The following SIPA1L1 variants were observed in gnomAD, a reference collection of about 807,000 sequenced individuals.
SIPA1L1 encodes the protein signal-induced proliferation-associated 1-like protein 1.
A neutral mutation model predicts 162.7 loss-of-function variants in SIPA1L1; 26 were observed. The ratio of observed to expected loss-of-function variants is 0.16; its 90% CI spans 0.12 to 0.22. The LOEUF (loss-of-function observed/expected upper bound fraction) is 0.22, where lower values mean the gene tolerates loss of function less well. Among genes scored for constraint, SIPA1L1 ranks in the 10% least tolerant of loss-of-function variants. SIPA1L1 has a pLI of 1.00. For synonymous variants in SIPA1L1, 829 were observed against 837.4 expected (o/e 0.99, Z 0.17); for missense variants, 1,874 against 2,241.0 (o/e 0.84, Z 3.31).
chr14:71,423,166 A>G (rs1334214671), intron 2 of SIPA1L1, among the ~76,000 whole-genome samples: 1 of 151,976 alleles, frequency 6.6e-6, no homozygotes, highest in Non-Finnish European at 1.5e-5. Context: ...TTTTGAATCA[A>G]GTTGTTTGTT....
chr14:71,714,357 A>AT (rs1024389157), intron 17 of SIPA1L1, among the ~76,000 whole-genome samples: 2 of 152,074 alleles, frequency 1.3e-5, no homozygotes, highest in Non-Finnish European at 2.9e-5. Context: ...CCAACAAAAC[A>AT]TTTTTTTGCT....
At chr14:71,601,051 C>T (rs547736004) in intron 5 of SIPA1L1, among the ~76,000 whole-genome samples, 15 of 152,196 alleles carry the variant, frequency 9.9e-5, no homozygotes, top group Non-Finnish European at 1.6e-4. Flanking sequence ...CATAGAGGGA[C>T]GGTTTGACTT....
At chr14:71,551,215 A>G (rs1172616719) in intron 4 of SIPA1L1, among the ~76,000 whole-genome samples, 1 of 152,182 alleles carries the variant, frequency 6.6e-6, no homozygotes, top group South Asian at 2.1e-4. Flanking sequence ...TGGAAGCTGT[A>G]GTGAGCTGAA....
At chr14:71,442,992 C>T (rs796818120) in intron 2 of SIPA1L1, among the ~76,000 whole-genome samples, 28 of 152,246 alleles carry the variant, frequency 1.8e-4, no homozygotes, top group South Asian at 1.0e-3. Context: ...GTTTTTGTGA[C>T]GTCTTACATT....
intron 5 of SIPA1L1, among the ~76,000 whole-genome samples, chr14:71,610,170 T>C (rs1210750449): frequency 6.6e-6 from 1 of 152,216 alleles, no homozygotes; most frequent in Admixed American, 6.5e-5. Flanking sequence ...CAACTAATAT[T>C]GTTTGTTGTC....
At chr14:71,685,725 T>G (rs1223513078) in intron 13 of SIPA1L1, 94 bp downstream of exon 13, 1 of 1,467,868 alleles carries the variant, frequency 6.8e-7, no homozygotes. Context: ...TTCTCATATT[T>G]TACTAGAAAC....
intron 5 of SIPA1L1, among the ~76,000 whole-genome samples, chr14:71,589,581 A>T (rs926012210): frequency 2.6e-5 from 4 of 152,148 alleles, no homozygotes; most frequent in Non-Finnish European, 5.9e-5. Context: ...AATGTCTTGT[A>T]TGTTAAATAG....
chr14:71,696,470 T>C (rs1387566625), intron 13 of SIPA1L1, among the ~76,000 whole-genome samples: 1 of 152,240 alleles, frequency 6.6e-6, no homozygotes, highest in African/African-American at 2.4e-5. Flanking sequence ...ATATTAACTT[T>C]CAGTCTGTTA....
At chr14:71,516,695 G>A (rs1461019564) in intron 3 of SIPA1L1, among the ~76,000 whole-genome samples, 1 of 150,652 alleles carries the variant, frequency 6.6e-6, no homozygotes, top group Non-Finnish European at 1.5e-5. Context: ...TTTTTTGGCT[G>A]GGTGTGGTGG....
intron 2 of SIPA1L1, among the ~76,000 whole-genome samples, chr14:71,453,996 C>CAAAA (rs751420064): frequency 2.1e-4 from 16 of 76,532 alleles, no homozygotes; most frequent in South Asian, 1.3e-3. Flanking sequence ...GAGATTGTTT[C>CAAAA]AAAAAAAAAA....
intron 4 of SIPA1L1, among the ~76,000 whole-genome samples, chr14:71,535,327 T>C (rs1324522233): frequency 2.0e-5 from 3 of 152,250 alleles, no homozygotes; most frequent in Non-Finnish European, 4.4e-5. Flanking sequence ...AAGGAGTAAC[T>C]GCCCTATTCT....
rs184723564 is a variant in SIPA1L1, at chr14:71,655,885, A to G, written c.1994-2448A>G. Among the ~76,000 whole-genome samples the G allele has an allele frequency of 3.9e-5, 6 of 152,092 alleles. No homozygotes were observed. In the East Asian group the frequency reaches 1.2e-3, roughly 29 times the overall value. ...TGGATATTAGTCTTTTGTTGGGTAT[A>G]TGGTTTGCAAATATTTTCTCCCATT... On this transcript the variant is annotated intron_variant, in intron 8 of 23. Transcript: ENST00000381232.
intron 2 of SIPA1L1, among the ~76,000 whole-genome samples, chr14:71,471,976 C>T (rs1264077872): frequency 6.6e-6 from 1 of 152,188 alleles, no homozygotes; most frequent in East Asian, 1.9e-4. Context: ...AAGGTAGAAG[C>T]AGTTCAGGGC....
intron 2 of SIPA1L1, among the ~76,000 whole-genome samples, chr14:71,469,449 A>T (rs1373729733): frequency 6.6e-6 from 1 of 152,134 alleles, no homozygotes; most frequent in African/African-American, 2.4e-5. Context: ...ACCCTCCTAG[A>T]GGTCAAAAGC....
In SIPA1L1 at chr14:71,733,682, G is replaced by C; in HGVS notation, c.4878G>C (p.Ser1626=). 6.2e-7 allele frequency: 1 copy of C among 1,613,806 alleles called. No homozygotes were observed. The highest frequency in any genetic ancestry group is 8.5e-7 in the Non-Finnish European group (1 of 1,179,960). The change falls in exon 21 of 24, where the codon TCG becomes TCC. Residue 1626 remains serine, a synonymous_variant. Coordinates refer to ENST00000381232, the MANE Select transcript of SIPA1L1 (RefSeq NM_001386936.1). The stretch of plus-strand genomic sequence containing the variant: ...TTCCCGCAGGAGAGTTCTCAGCCTC[G>C]GACAGCTCCCTCACTGACATCCAGG... ...MKSLHGEFSA[S]DSSLTDIQET...
At chr14:71,643,488 A>C (rs578047151) in intron 7 of SIPA1L1, among the ~76,000 whole-genome samples, 12 of 152,370 alleles carry the variant, frequency 7.9e-5, no homozygotes, top group Middle Eastern at 3.4e-3. Context: ...ATTTTTAAAT[A>C]AAATGATTAC....
chr14:71,443,733 A>G (rs953139143), intron 2 of SIPA1L1, among the ~76,000 whole-genome samples: 1 of 152,260 alleles, frequency 6.6e-6, no homozygotes, highest in Non-Finnish European at 1.5e-5. Context: ...CCAGACTTAC[A>G]GTATTAGATG....
chr14:71,366,682 C>T (rs1418289167), intron 2 of SIPA1L1, among the ~76,000 whole-genome samples: 15 of 151,924 alleles, frequency 9.9e-5, no homozygotes, highest in Admixed American at 3.3e-4. Context: ...GTGATCCACC[C>T]GCCTCGGCCT....
At chr14:71,640,439 G>T (rs1028402020) in intron 7 of SIPA1L1, among the ~76,000 whole-genome samples, 4 of 152,236 alleles carry the variant, frequency 2.6e-5, no homozygotes, top group African/African-American at 9.6e-5. Context: ...TTAGACATTT[G>T]CTGATAGGTT....
Sources: allele counts gnomAD v4.1 joint callset (sites outside exome capture counted in the v4.1 genomes callset), GRCh38; gene constraint gnomAD v4.1.1; transcripts MANE v1.5; gene names NCBI Gene and HGNC (gene_info 2026-07-23, HGNC 2026-07-21).